The following CDH18 variants were observed in gnomAD, a reference collection of about 807,000 sequenced individuals.
CDH18 encodes the protein cadherin-18.
CDH18 carries 31 observed loss-of-function variants against 67.9 expected under a neutral mutation model. The ratio of observed to expected loss-of-function variants is 0.46; its 90% CI spans 0.34 to 0.62. The LOEUF (loss-of-function observed/expected upper bound fraction) is 0.62. CDH18 is among the 20% of genes least tolerant of loss of function. The probability of loss-of-function intolerance (pLI) is 0.01; values close to 1 mark genes in which losing one functional copy is unlikely to be tolerated. For missense variants in CDH18, 890 were observed against 975.5 expected, an observed-to-expected ratio of 0.91 and a Z score of 1.17; for synonymous variants, 362 against 347.2, an observed-to-expected ratio of 1.04 and a Z score of -0.48.
intron 2 of CDH18, among the ~76,000 whole-genome samples, chr5:20,198,518 A>G (rs1739170611): frequency 6.6e-6 from 1 of 152,196 alleles, no homozygotes; most frequent in African/African-American, 2.4e-5. Context: ...AGAAATTTCT[A>G]AGCAGCAAAG....
intron 9 of CDH18, among the ~76,000 whole-genome samples, chr5:19,532,789 G>T (rs1284506957): frequency 2.0e-5 from 3 of 152,154 alleles, no homozygotes; most frequent in African/African-American, 7.2e-5. Flanking sequence ...AGTTTTTAAA[G>T]GTATAGCTGA....
intron 2 of CDH18, among the ~76,000 whole-genome samples, chr5:20,176,504 T>C (rs1361695841): frequency 1.3e-5 from 2 of 152,176 alleles, no homozygotes; most frequent in African/African-American, 2.4e-5. Context: ...ATAACCTTTG[T>C]AGCCTTTTCA....
At chr5:19,552,005 T>C (rs1309269330) in intron 8 of CDH18, among the ~76,000 whole-genome samples, 1 of 152,194 alleles carries the variant, frequency 6.6e-6, no homozygotes, top group Admixed American at 6.5e-5. Flanking sequence ...ACAGTTATAA[T>C]GGAGACTGAT....
At position 20,052,804 on chromosome 5, in the gene CDH18, T is replaced by C. The variant is rs58467099; in HGVS notation, c.-517-60790A>G. On this transcript the variant is annotated intron_variant, in intron 2 of 14. Coordinates refer to the CDH18 transcript ENST00000507958. Reference sequence around the variant, plus strand: ...TACAAGTCTGATTTGCTCCAAAGAATGTCATAAAGAAGATAACCAGTTTTA... The same window carrying C: ...TACAAGTCTGATTTGCTCCAAAGAACGTCATAAAGAAGATAACCAGTTTTA... Among the ~76,000 whole-genome samples, 254 of 152,228 alleles carry C rather than the reference T, an allele frequency of 1.7e-3. 2 individuals are homozygous for C. The highest frequency in any genetic ancestry group is 5.8e-3 in the African/African-American group (241 of 41,562).
intron 1 of CDH18, among the ~76,000 whole-genome samples, chr5:20,546,842 AATTT>A (rs1006159195): frequency 2.7e-5 from 4 of 146,970 alleles, no homozygotes; most frequent in African/African-American, 1.0e-4. Context: ...CTGAAAAAAC[AATTT>A]ATTTGTTTTA....
At position 20,165,401 on chromosome 5, in the gene CDH18, G is replaced by A. The variant is rs79722737; in HGVS notation, c.-518+90043C>T. Among the ~76,000 whole-genome samples, 871 of 151,974 alleles carry A rather than the reference G, an allele frequency of 5.7e-3. 9 individuals are homozygous for A. Among genetic ancestry groups the A allele is most frequent in the African/African-American group, 0.02 (833 of 41,444 alleles). On this transcript the variant is annotated intron_variant, in intron 2 of 14. Coordinates refer to the CDH18 transcript ENST00000507958. ...GTCATTTGAGGACTTACTTAAATTC[G>A]GATAACTTTACTAACAATCATGACT... is the stretch of plus-strand genomic sequence containing the variant.
intron 2 of CDH18, among the ~76,000 whole-genome samples, chr5:20,102,684 A>T (rs150596228): frequency 1.3e-5 from 2 of 152,176 alleles, no homozygotes; most frequent in Non-Finnish European, 2.9e-5. Context: ...GCAGACACTA[A>T]TTCAATCTGT....
intron 10 of CDH18, among the ~76,000 whole-genome samples, chr5:19,516,956 G>C (rs1579950741): frequency 6.6e-6 from 1 of 151,960 alleles, no homozygotes; most frequent in Non-Finnish European, 1.5e-5. Flanking sequence ...TGCACATTTT[G>C]TTGTATAAAC....
intron 1 of CDH18, among the ~76,000 whole-genome samples, chr5:20,349,593 A>C (rs184375308): frequency 7.2e-5 from 11 of 152,254 alleles, no homozygotes; most frequent in Admixed American, 6.5e-4. Flanking sequence ...ATAGTAAGTA[A>C]AGACATGAAA....
chr5:20,022,551 A>G (rs1444277824), intron 2 of CDH18, among the ~76,000 whole-genome samples: 10 of 152,218 alleles, frequency 6.6e-5, no homozygotes, highest in Non-Finnish European at 1.0e-4. Flanking sequence ...TTTTAACTAG[A>G]CCAACATTTT....
At chr5:19,638,251 C>G (rs1049374564) in intron 5 of CDH18, among the ~76,000 whole-genome samples, 1 of 152,146 alleles carries the variant, frequency 6.6e-6, no homozygotes, top group Admixed American at 6.5e-5. Context: ...TCTAGAATTA[C>G]GACAGTGAGA....
intron 5 of CDH18, among the ~76,000 whole-genome samples, chr5:19,702,146 CTCTT>C (rs1561088689): frequency 5.1e-5 from 3 of 59,280 alleles, no homozygotes; most frequent in African/African-American, 1.5e-4. Context: ...TTCTTTCTCT[CTCTT>C]TTTTTTTTTT....
chr5:19,534,265 A>G (rs567031056), intron 9 of CDH18, among the ~76,000 whole-genome samples: 1 of 152,136 alleles, frequency 6.6e-6, no homozygotes, highest in South Asian at 2.1e-4. Context: ...TATTAAATAC[A>G]TTTTTAAGGC....
intron 2 of CDH18, among the ~76,000 whole-genome samples, chr5:20,190,996 T>G (rs1738492518): frequency 6.6e-6 from 1 of 152,160 alleles, no homozygotes; most frequent in South Asian, 2.1e-4. Flanking sequence ...TTTTGCATTT[T>G]CAACCCATAT....
chr5:19,748,383 C>T (rs1309752037), intron 3 of CDH18, among the ~76,000 whole-genome samples: 1 of 151,940 alleles, frequency 6.6e-6, no homozygotes, highest in Non-Finnish European at 1.5e-5. Flanking sequence ...AGATAATACA[C>T]TTTGTTGCCA....
At chr5:20,404,993 G>A (rs1472461866) in intron 1 of CDH18, among the ~76,000 whole-genome samples, 2 of 152,016 alleles carry the variant, frequency 1.3e-5, no homozygotes, top group Non-Finnish European at 2.9e-5. Context: ...TTTCCAAATA[G>A]ATGAACAGAT....
At chr5:19,505,963 T>C (rs1744080804) in intron 10 of CDH18, among the ~76,000 whole-genome samples, 1 of 152,166 alleles carries the variant, frequency 6.6e-6, no homozygotes, top group Non-Finnish European at 1.5e-5. Flanking sequence ...TTTTTTTGGT[T>C]TGTAGGCTAT....
chr5:20,064,669 T>C (rs1293627209), intron 2 of CDH18, among the ~76,000 whole-genome samples: 1 of 152,082 alleles, frequency 6.6e-6, no homozygotes, highest in East Asian at 1.9e-4. Context: ...AGAAGGTTTA[T>C]AGATATGTGA....
At chr5:19,603,232 C>A (rs1747447423) in intron 6 of CDH18, among the ~76,000 whole-genome samples, 1 of 152,086 alleles carries the variant, frequency 6.6e-6, no homozygotes, top group Non-Finnish European at 1.5e-5. Flanking sequence ...AACCTTGAAA[C>A]ATTATGTTTA....
Sources: gnomAD v4.1 joint callset for allele counts (sites outside exome capture counted in the v4.1 genomes callset) on GRCh38, gnomAD v4.1.1 for gene constraint, MANE v1.5 for transcripts, NCBI Gene and HGNC (gene_info 2026-07-23, HGNC 2026-07-21) for gene names.